TMEM233: variants seen among roughly 807,000 people sequenced by gnomAD.
TMEM233 encodes the protein dispanin subfamily B member 2.
Under a neutral mutation model 11.2 loss-of-function variants are expected in TMEM233, and 6 were observed. The observed-to-expected ratio is 0.54, with a 90% CI of 0.29 to 1.06. TMEM233 has a LOEUF of 1.06. Ranked by LOEUF, TMEM233 falls within the 50% of genes least tolerant of loss-of-function variation. The pLI is 0.08. For synonymous variants in TMEM233, 59 were observed against 55.8 expected (o/e 1.06, Z -0.26); for missense variants, 127 against 144.7 (o/e 0.88, Z 0.63).
At position 119,614,411 on chromosome 12, in the gene TMEM233, C is replaced by T. The variant is rs544940059; in HGVS notation, c.187-15325C>T. Among the ~76,000 whole-genome samples the T allele has an allele frequency of 3.5e-5, 5 of 143,628 alleles. No homozygotes were observed. In the South Asian group the frequency reaches 7.0e-4, roughly 20 times the overall value. 94.2% of individuals were successfully genotyped at this position (143,628 alleles called of 152,430 possible). On this transcript the variant is annotated intron_variant, in intron 1 of 2. Transcript: ENST00000426426. ...GAGAGAGAGAGAGACTCCATCTCAA[C>T]GAGAGAGAGAGAGAGAGAGAGAGAG... is the stretch of plus-strand genomic sequence containing the variant.
At chr12:119,629,993 T>G (rs1430378511) in intron 2 of TMEM233, 121 bp downstream of exon 2, 14 of 1,159,402 alleles carry the variant, frequency 1.2e-5, no homozygotes, top group Admixed American at 6.0e-5. Flanking sequence ...GGTTTTCATG[T>G]TTTCTTCTCA....
intron 1 of TMEM233, among the ~76,000 whole-genome samples, chr12:119,608,461 T>C (rs1954329114): frequency 6.6e-6 from 1 of 152,274 alleles, no homozygotes; most frequent in Non-Finnish European, 1.5e-5. Context: ...CAAGGCTCAC[T>C]TTCAATGAGA....
At chr12:119,650,027 G>A in the TMEM233 span, among the ~76,000 whole-genome samples, 12 of 151,808 alleles carry the variant, frequency 7.9e-5, no homozygotes, top group East Asian at 2.1e-3. Flanking sequence ...GCGCGGTGGC[G>A]GGCGCCTGTA....
intron 2 of TMEM233, among the ~76,000 whole-genome samples, chr12:119,637,682 GA>G (rs1954995863): frequency 6.6e-6 from 1 of 152,212 alleles, no homozygotes; most frequent in South Asian, 2.1e-4. Flanking sequence ...TAGAAGGTTA[GA>G]AGGGTCTTTC....
At chr12:119,647,903 C>A (rs1217825698), downstream of TMEM233, among the ~76,000 whole-genome samples, 1 of 151,824 alleles carries the variant, frequency 6.6e-6, no homozygotes, top group African/African-American at 2.4e-5. Flanking sequence ...TAATGATACC[C>A]CGCAAAGCCC....
intron 1 of TMEM233, among the ~76,000 whole-genome samples, chr12:119,599,767 A>G (rs1314132978): frequency 6.6e-6 from 1 of 152,164 alleles, no homozygotes; most frequent in Non-Finnish European, 1.5e-5. Flanking sequence ...GAGATCACCT[A>G]CCACCCCACA....
intron 1 of TMEM233, among the ~76,000 whole-genome samples, chr12:119,599,766 T>C (rs1450135485): frequency 6.6e-6 from 1 of 152,066 alleles, no homozygotes; most frequent in Non-Finnish European, 1.5e-5. Flanking sequence ...AGAGATCACC[T>C]ACCACCCCAC....
At chr12:119,635,147 C>A (rs545050483) in intron 2 of TMEM233, among the ~76,000 whole-genome samples, 1 of 152,290 alleles carries the variant, frequency 6.6e-6, no homozygotes, top group East Asian at 1.9e-4. Flanking sequence ...GTAATTCAAA[C>A]CCCTAGTCAA....
chr12:119,650,644 T>C, the TMEM233 span, among the ~76,000 whole-genome samples: 1 of 152,192 alleles, frequency 6.6e-6, no homozygotes, highest in African/African-American at 2.4e-5. Flanking sequence ...GTTGTTGTTG[T>C]TGTTGTTGTT....
chr12:119,623,585 T>C (rs1191277810), intron 1 of TMEM233, among the ~76,000 whole-genome samples: 1 of 148,016 alleles, frequency 6.8e-6, no homozygotes, highest in Non-Finnish European at 1.5e-5. Context: ...CTGGTTGTGG[T>C]GGTATGCACC....
Position 119,642,812 on chromosome 12 carries a change from A to G in TMEM233, c.*2107A>G, listed in dbSNP as rs1373182213. On this transcript the variant is annotated 3_prime_UTR_variant, in exon 3 of 3. Transcript: ENST00000426426. ...CTGAACCCTAGCAAAAAAAAAAAAA[A>G]TTCTGATGAACATCAGATTCAACCT... The G allele has an allele frequency of 8.0e-6, 1 of 124,358 alleles. No homozygotes were observed. The highest frequency in any genetic ancestry group is 1.8e-5 in the Non-Finnish European group (1 of 56,882). The allele number at this position is 124,358 out of a possible 1,614,324, so 7.7% of individuals were successfully genotyped here. A position where few individuals can be genotyped will look rare whatever the true frequency, so the allele number is the denominator to read the frequency against.
rs985944669 is a variant in TMEM233, at chr12:119,594,556, C to T, written c.186+522C>T. 4 of 153,302 alleles carry T rather than the reference C, an allele frequency of 2.6e-5. No homozygotes were observed. The highest frequency in any genetic ancestry group is 7.2e-5 in the African/African-American group (3 of 41,474). The allele number at this position is 153,302 out of a possible 1,614,324, so 9.5% of individuals were successfully genotyped here. On this transcript the variant is annotated intron_variant, in intron 1 of 2. Transcript: ENST00000426426. This position sits in a 1 kb window ranked among gnomAD's most constrained non-coding sequence, Gnocchi z 5.6. Reference sequence around the variant, plus strand: ...CCTGTGCTCCCTTCTCTCTTTGCTGCGCCCAAGGGCACCGCTTCCGCCACT... The same window carrying T: ...CCTGTGCTCCCTTCTCTCTTTGCTGTGCCCAAGGGCACCGCTTCCGCCACT...
At chr12:119,649,875 A>AAT in the TMEM233 span, among the ~76,000 whole-genome samples, 10 of 148,434 alleles carry the variant, frequency 6.7e-5, no homozygotes, top group South Asian at 2.2e-3. Flanking sequence ...AAAAAAAAAA[A>AAT]GGGCCGGGCG....
chr12:119,649,875 A>AAAG, the TMEM233 span, among the ~76,000 whole-genome samples: 2 of 148,334 alleles, frequency 1.3e-5, no homozygotes, highest in Admixed American at 6.7e-5. Context: ...AAAAAAAAAA[A>AAAG]GGGCCGGGCG....
At chr12:119,601,616 C>T (rs1325043215) in intron 1 of TMEM233, among the ~76,000 whole-genome samples, 1 of 149,586 alleles carries the variant, frequency 6.7e-6, no homozygotes, top group Non-Finnish European at 1.5e-5. Flanking sequence ...CGAGATCGCG[C>T]CACTGCACTC....
chr12:119,616,075 G>T (rs1593291813), intron 1 of TMEM233, among the ~76,000 whole-genome samples: 1 of 152,212 alleles, frequency 6.6e-6, no homozygotes, highest in East Asian at 1.9e-4. Flanking sequence ...CAGCTGCAGT[G>T]ACCATGAGAT....
intron 2 of TMEM233, among the ~76,000 whole-genome samples, chr12:119,637,553 T>C (rs936072032): frequency 6.6e-6 from 1 of 152,236 alleles, no homozygotes; most frequent in Non-Finnish European, 1.5e-5. Context: ...TTGCAAAAGC[T>C]TAAAAGCAAA....
At position 119,641,131 on chromosome 12, in the gene TMEM233, T is replaced by C. The variant is rs1955077436; in HGVS notation, c.*426T>C. ...CAGCAGGTGCTGGTATTTACAATGT[T>C]GAGCACAAACATTTGCAGCATGTTT... On this transcript the variant is annotated 3_prime_UTR_variant, in exon 3 of 3. Transcript: ENST00000426426. The C allele has an allele frequency of 5.8e-6, 1 of 171,270 alleles. No individual in the cohort carries two copies. Among genetic ancestry groups the C allele is most frequent in the African/African-American group, 2.4e-5 (1 of 42,158 alleles). 10.6% of individuals were successfully genotyped at this position (171,270 alleles called of 1,614,324 possible).
chr12:119,637,953 GA>G (rs1393526493), intron 2 of TMEM233, among the ~76,000 whole-genome samples: 3 of 152,190 alleles, frequency 2.0e-5, no homozygotes, highest in Admixed American at 6.5e-5. Context: ...ACCAGGATGT[GA>G]AAAATTTGAC....
Sources: gnomAD v4.1 joint callset for allele counts (sites outside exome capture counted in the v4.1 genomes callset) on GRCh38, gnomAD v4.1.1 for gene constraint, Gnocchi (gnomAD v3.1) non-coding constraint, MANE v1.5 for transcripts, NCBI Gene and HGNC (gene_info 2026-07-23, HGNC 2026-07-21) for gene names.